WWOX: variants seen among roughly 807,000 people sequenced by gnomAD.
The protein encoded by WWOX is WW domain-containing oxidoreductase.
In WWOX, 69 loss-of-function variants were observed where a neutral mutation model predicts 46.2. The observed-to-expected ratio is 1.49, with a 90% CI of 1.23 to 1.82. The LOEUF is 1.82. Ranked by LOEUF, WWOX falls within the 40% of genes most tolerant of loss-of-function variation. The probability of loss-of-function intolerance (pLI) is 0.00; values close to 1 mark genes in which losing one functional copy is unlikely to be tolerated. For synonymous variants in WWOX, 359 were observed against 202.6 expected, an observed-to-expected ratio of 1.77 and a Z score of -6.56; for missense variants, 919 against 542.6, an observed-to-expected ratio of 1.69 and a Z score of -6.89.
At chr16:78,927,423 C>G (rs1377943185) in intron 8 of WWOX, among the ~76,000 whole-genome samples, 1 of 152,152 alleles carries the variant, frequency 6.6e-6, no homozygotes, top group East Asian at 1.9e-4. Flanking sequence ...TACCATGTGT[C>G]TGTCTACATG....
intron 8 of WWOX, among the ~76,000 whole-genome samples, chr16:78,774,265 G>T (rs1053480198): frequency 2.0e-5 from 3 of 152,126 alleles, no homozygotes; most frequent in Admixed American, 6.5e-5. Context: ...GCTGGGCGTG[G>T]TAGCAGGCGC....
intron 8 of WWOX, among the ~76,000 whole-genome samples, chr16:78,839,574 T>C (rs138032777): frequency 2.6e-5 from 4 of 152,222 alleles, no homozygotes; most frequent in African/African-American, 9.6e-5. Flanking sequence ...TACTTATGTC[T>C]ATGAAATGAA....
At chr16:78,935,635 T>C (rs943823203) in intron 8 of WWOX, among the ~76,000 whole-genome samples, 43 of 151,520 alleles carry the variant, frequency 2.8e-4, no homozygotes, top group African/African-American at 1.0e-3. Flanking sequence ...AAGGATAGCA[T>C]TAGGAGATAT....
intron 8 of WWOX, among the ~76,000 whole-genome samples, chr16:78,707,342 G>A (rs972384234): frequency 5.3e-5 from 8 of 152,202 alleles, no homozygotes; most frequent in Admixed American, 5.2e-4. Flanking sequence ...TATAGGGAAA[G>A]AAGTGTGCAA....
chr16:78,909,052 A>AAACC (rs1470923391), intron 8 of WWOX, among the ~76,000 whole-genome samples: 3 of 152,240 alleles, frequency 2.0e-5, no homozygotes, highest in African/African-American at 7.2e-5. Flanking sequence ...TTTCAAAGTT[A>AAACC]AACCGTAAAC....
chr16:79,018,678 G>T (rs1256169793), intron 8 of WWOX, among the ~76,000 whole-genome samples: 2 of 152,082 alleles, frequency 1.3e-5, no homozygotes, highest in African/African-American at 2.4e-5. Flanking sequence ...AATCAATGTG[G>T]GCCGCCTCCT....
intron 6 of WWOX, among the ~76,000 whole-genome samples, chr16:78,420,088 G>A (rs1176511851): frequency 6.6e-6 from 1 of 152,106 alleles, no homozygotes; most frequent in Non-Finnish European, 1.5e-5. Flanking sequence ...CTTATTGCTA[G>A]GATGGCTAAA....
intron 8 of WWOX, among the ~76,000 whole-genome samples, chr16:78,884,273 C>CA (rs71384384): frequency 0.032 from 1,491 of 46,142 alleles, 30 homozygotes; most frequent in Middle Eastern, 0.044. Flanking sequence ...ACCCTGTCTC[C>CA]AAAAAAAAAA....
intron 8 of WWOX, among the ~76,000 whole-genome samples, chr16:78,589,356 T>G (rs2045297935): frequency 6.6e-6 from 1 of 152,244 alleles, no homozygotes; most frequent in South Asian, 2.1e-4. Flanking sequence ...GGTTACCTGA[T>G]TCATCTAGTT....
At chr16:79,064,111 T>C (rs1164249339) in intron 8 of WWOX, among the ~76,000 whole-genome samples, 1 of 152,236 alleles carries the variant, frequency 6.6e-6, no homozygotes, top group Non-Finnish European at 1.5e-5. Flanking sequence ...GTAAATGATC[T>C]TTATAAATCC....
chr16:78,457,483 A>G (rs2151419868), intron 8 of WWOX, among the ~76,000 whole-genome samples: 1 of 152,166 alleles, frequency 6.6e-6, no homozygotes, highest in Non-Finnish European at 1.5e-5. Flanking sequence ...AAATAGAAAA[A>G]CTGTTGATTC....
At chr16:78,921,865 C>T (rs943466892) in intron 8 of WWOX, among the ~76,000 whole-genome samples, 10 of 152,170 alleles carry the variant, frequency 6.6e-5, no homozygotes, top group African/African-American at 1.9e-4. Context: ...GCTAGAAGGA[C>T]TTGTGGCACT....
chr16:78,556,484 A>G (rs747497265), intron 8 of WWOX, among the ~76,000 whole-genome samples: 5 of 152,086 alleles, frequency 3.3e-5, no homozygotes, highest in African/African-American at 4.8e-5. Flanking sequence ...GAGATGATTC[A>G]TTTATCTTGA....
intron 5 of WWOX, among the ~76,000 whole-genome samples, chr16:78,212,328 T>C (rs2036585229): frequency 1.3e-5 from 2 of 152,184 alleles, no homozygotes; most frequent in African/African-American, 2.4e-5. Flanking sequence ...ACAATTTGCA[T>C]TGGCGAAAGC....
intron 5 of WWOX, among the ~76,000 whole-genome samples, chr16:78,368,476 TG>T (rs1473465616): frequency 6.6e-6 from 1 of 152,180 alleles, no homozygotes; most frequent in African/African-American, 2.4e-5. Context: ...CTTTTCAATG[TG>T]GTAAAAGCTC....
At chr16:78,806,429 C>G (rs943204514) in intron 8 of WWOX, among the ~76,000 whole-genome samples, 1 of 152,174 alleles carries the variant, frequency 6.6e-6, no homozygotes, top group Non-Finnish European at 1.5e-5. Flanking sequence ...CAGCAGGGCT[C>G]TGAGGAACAG....
chr16:79,152,924 A>G (rs2050309493), intron 8 of WWOX, among the ~76,000 whole-genome samples: 3 of 152,152 alleles, frequency 2.0e-5, no homozygotes, highest in African/African-American at 7.2e-5. Context: ...CTCCGGGTCT[A>G]GGAGACGGTG....
At chr16:79,192,369 C>T (rs555143395) in intron 8 of WWOX, among the ~76,000 whole-genome samples, 16 of 152,276 alleles carry the variant, frequency 1.1e-4, no homozygotes, top group Non-Finnish European at 2.1e-4. Context: ...TCACTCATCA[C>T]ATGGCAACTC....
chr16:78,360,585 C>CTAAAAAAAAAAAA (rs2081387343), intron 5 of WWOX, among the ~76,000 whole-genome samples: 1 of 86,546 alleles, frequency 1.2e-5, no homozygotes, highest in African/African-American at 5.1e-5. Context: ...GACTCTGTCT[C>CTAAAAAAAAAAAA]AAAAAAAAAA....
Sources: gnomAD v4.1 joint callset for allele counts (sites outside exome capture counted in the v4.1 genomes callset) on GRCh38, gnomAD v4.1.1 for gene constraint, MANE v1.5 for transcripts, NCBI Gene and HGNC (gene_info 2026-07-23, HGNC 2026-07-21) for gene names.